ARL15: variants seen among roughly 807,000 people sequenced by gnomAD.
ARL15 encodes ARF like GTPase 15, also known as ADP-ribosylation factor-like protein 15.
Under a neutral mutation model 25.2 loss-of-function variants are expected in ARL15, and 19 were observed. The observed-to-expected ratio is 0.75, with a 90% CI of 0.53 to 1.10. The LOEUF (loss-of-function observed/expected upper bound fraction) is 1.10. Ranked by LOEUF, ARL15 falls within the 50% of genes least tolerant of loss-of-function variation. The pLI, the probability that ARL15 is intolerant of heterozygous loss-of-function variation, is 0.00. For synonymous variants in ARL15, 94 were observed against 86.8 expected (o/e 1.08, Z -0.46); for missense variants, 220 against 246.0 (o/e 0.89, Z 0.71).
At chr5:53,963,370 C>A (rs1456065032) in intron 4 of ARL15, among the ~76,000 whole-genome samples, 1 of 152,134 alleles carries the variant, frequency 6.6e-6, no homozygotes, top group Non-Finnish European at 1.5e-5. Flanking sequence ...AACAGTGTTT[C>A]CCAGTAGGAG....
intron 1 of ARL15, among the ~76,000 whole-genome samples, chr5:54,278,897 T>C (rs562720566): frequency 7.2e-5 from 11 of 152,370 alleles, no homozygotes; most frequent in African/African-American, 2.4e-4. Flanking sequence ...GAGGCATACA[T>C]TTACCTGTAT....
At chr5:53,896,948 T>C (rs114384725) in intron 4 of ARL15, among the ~76,000 whole-genome samples, 2,073 of 152,298 alleles carry the variant, frequency 0.014, 42 homozygotes, top group African/African-American at 0.048. Flanking sequence ...CATTACCTAC[T>C]TCACTGTCTA....
intron 4 of ARL15, among the ~76,000 whole-genome samples, chr5:54,027,352 G>T (rs888095003): frequency 6.6e-6 from 1 of 152,216 alleles, no homozygotes; most frequent in African/African-American, 2.4e-5. Context: ...GAAGGCAATT[G>T]TGAATGGTGA....
At chr5:53,920,162 G>T (rs7701591) in intron 4 of ARL15, among the ~76,000 whole-genome samples, 28 of 152,026 alleles carry the variant, frequency 1.8e-4, no homozygotes, top group Admixed American at 9.8e-4. Context: ...CTTCCTTCCC[G>T]TAAGTACCTT....
At chr5:54,204,875 T>C (rs1231241246) in intron 1 of ARL15, among the ~76,000 whole-genome samples, 2 of 151,846 alleles carry the variant, frequency 1.3e-5, no homozygotes, top group Non-Finnish European at 1.5e-5. Context: ...TTCATGGAAG[T>C]ACCTGGAGGA....
intron 1 of ARL15, among the ~76,000 whole-genome samples, chr5:54,239,089 C>A (rs918456987): frequency 6.6e-6 from 1 of 152,138 alleles, no homozygotes; most frequent in African/African-American, 2.4e-5. Flanking sequence ...TGACTCCATC[C>A]CTCTAGCACC....
intron 1 of ARL15, among the ~76,000 whole-genome samples, chr5:54,263,634 C>CCT (rs1757552620): frequency 6.6e-6 from 1 of 152,092 alleles, no homozygotes; most frequent in African/African-American, 2.4e-5. Context: ...AAACAGCAAC[C>CCT]CTCTCCATTT....
chr5:54,116,855 A>G (rs1044432723), intron 3 of ARL15, among the ~76,000 whole-genome samples: 1 of 152,216 alleles, frequency 6.6e-6, no homozygotes, highest in Admixed American at 6.5e-5. Context: ...TGATTGAAAT[A>G]GAGATCATGG....
rs187766740 is a variant in ARL15, at chr5:54,106,161, C to A, written c.462+7041G>T. 7.9e-5 allele frequency among the ~76,000 whole-genome samples: 12 copies of A among 152,134 alleles called. No homozygotes were observed. The East Asian group carries it at 9.7e-4, about 12-fold the overall frequency. On this transcript the variant is annotated intron_variant, in intron 4 of 4. Coordinates refer to ENST00000504924, the MANE Select transcript of ARL15 (RefSeq NM_019087.3). ...ACATAAAATCAAACATTTGTAAATA[C>A]GATAATTAACAAGTTGAATCTTTTT...
At chr5:53,956,701 G>T (rs148953292) in intron 4 of ARL15, among the ~76,000 whole-genome samples, 1 of 151,968 alleles carries the variant, frequency 6.6e-6, no homozygotes, top group East Asian at 1.9e-4. Context: ...GAACCAAATA[G>T]AAAATCTGGA....
intron 4 of ARL15, among the ~76,000 whole-genome samples, chr5:53,969,892 A>C (rs1747680606): frequency 6.6e-6 from 1 of 152,220 alleles, no homozygotes; most frequent in South Asian, 2.1e-4. Flanking sequence ...GAGCTGGGAC[A>C]CTTAAAATAC....
At chr5:54,301,318 T>C (rs2112712718) in intron 1 of ARL15, among the ~76,000 whole-genome samples, 2 of 152,200 alleles carry the variant, frequency 1.3e-5, no homozygotes, top group Middle Eastern at 6.8e-3. Flanking sequence ...TTTGGTAAAA[T>C]TCTTAAAGCA....
At chr5:54,279,997 G>A (rs761190703) in intron 1 of ARL15, among the ~76,000 whole-genome samples, 8 of 152,186 alleles carry the variant, frequency 5.3e-5, no homozygotes, top group East Asian at 1.9e-4. Flanking sequence ...GCGAGCCAGC[G>A]CCCAAGTGTG....
At chr5:54,082,197 T>A (rs1406333242) in intron 4 of ARL15, among the ~76,000 whole-genome samples, 1 of 152,158 alleles carries the variant, frequency 6.6e-6, no homozygotes, top group African/African-American at 2.4e-5. Flanking sequence ...CAGTGTGTGA[T>A]TCTAGTATTT....
At chr5:54,189,839 A>G (rs1409608773) in intron 1 of ARL15, among the ~76,000 whole-genome samples, 1 of 152,332 alleles carries the variant, frequency 6.6e-6, no homozygotes, top group East Asian at 1.9e-4. Flanking sequence ...AAACTAAAAC[A>G]TTTGGTACAA....
intron 4 of ARL15, among the ~76,000 whole-genome samples, chr5:54,076,300 A>G (rs1369787450): frequency 6.7e-6 from 1 of 150,218 alleles, no homozygotes; most frequent in Non-Finnish European, 1.5e-5. Context: ...AGGCGCCTGT[A>G]GTTCCAGGTA....
intron 4 of ARL15, among the ~76,000 whole-genome samples, chr5:53,951,847 ATTTTTTTTTTTTTT>A (rs59369848): frequency 1.0e-5 from 1 of 98,220 alleles, no homozygotes. Context: ...ACATAAAAGA[ATTTTTTTTTTTTTT>A]TTTTTTTTTT....
chr5:54,210,668 G>A (rs1335810567), intron 1 of ARL15, among the ~76,000 whole-genome samples: 1 of 152,168 alleles, frequency 6.6e-6, no homozygotes, highest in African/African-American at 2.4e-5. Context: ...ATTTTCCAAA[G>A]GAAGTTTTGT....
intron 3 of ARL15, among the ~76,000 whole-genome samples, chr5:54,122,265 A>C (rs1753103525): frequency 6.6e-6 from 1 of 152,146 alleles, no homozygotes; most frequent in Non-Finnish European, 1.5e-5. Flanking sequence ...CAAATAAGAA[A>C]TTTCTCCCCT....
Sources: allele counts gnomAD v4.1 joint callset (sites outside exome capture counted in the v4.1 genomes callset), GRCh38; gene constraint gnomAD v4.1.1; transcripts MANE v1.5; gene names NCBI Gene and HGNC (gene_info 2026-07-23, HGNC 2026-07-21).